The following SCRIB variants were observed in gnomAD, a reference collection of about 807,000 sequenced individuals.
The protein encoded by SCRIB is scribble planar cell polarity protein.
SCRIB carries 72 observed loss-of-function variants against 170.0 expected under a neutral mutation model. The observed-to-expected ratio is 0.42, with a 90% CI of 0.35 to 0.52. The LOEUF is 0.52. Among genes scored for constraint, SCRIB ranks in the 20% least tolerant of loss-of-function variants. The pLI, the probability that SCRIB is intolerant of heterozygous loss-of-function variation, is 0.02. For synonymous variants in SCRIB, 1,298 were observed against 1,044.3 expected, an observed-to-expected ratio of 1.24 and a Z score of -4.68; for missense variants, 2,475 against 2,338.5, an observed-to-expected ratio of 1.06 and a Z score of -1.20.
At chr8:143,802,241 G>A (rs1428266279) in intron 24 of SCRIB, among the ~76,000 whole-genome samples, 8 of 152,348 alleles carry the variant, frequency 5.3e-5, no homozygotes, top group South Asian at 2.1e-4. Flanking sequence ...CAAGCTCAAC[G>A]TCCAGCTGTG....
intron 12 of SCRIB, 31 bp downstream of exon 12, chr8:143,810,655 A>T: frequency 1.2e-6 from 2 of 1,603,030 alleles, no homozygotes; most frequent in Non-Finnish European, 1.7e-6. Context: ...GGTCAGGCAG[A>T]GGTTCGCCCC....
intron 15 of SCRIB, among the ~76,000 whole-genome samples, 198 bp from the exon 16 acceptor site, chr8:143,807,812 A>T (rs1384005733): frequency 6.6e-6 from 1 of 152,152 alleles, no homozygotes; most frequent in Non-Finnish European, 1.5e-5. Flanking sequence ...TCCAGAGCTG[A>T]GCAGAGTCCC....
intron 13 of SCRIB, 114 bp from the exon 14 acceptor site, chr8:143,809,832 C>T (rs766608536): frequency 8.0e-7 from 1 of 1,248,694 alleles, no homozygotes; most frequent in Non-Finnish European, 1.1e-6. Flanking sequence ...CCCGACCAGG[C>T]ACCGTTAACG....
In SCRIB at chr8:143,805,372, C is replaced by T. The variant is rs781871907; in HGVS notation, c.2410G>A (p.Gly804Ser). 35 of 1,548,658 alleles carry T rather than the reference C, an allele frequency of 2.3e-5. No homozygotes were observed. In the African/African-American group the frequency reaches 2.5e-4, roughly 11 times the overall value. The change falls in exon 19 of 37, where the codon GGC becomes AGC. Residue 804 changes from glycine (G) to serine (S), a missense_variant. Gly to Ser is a moderately conservative substitution (Grantham distance 56). This residue lies in a region of SCRIB where 1,966 missense variants were observed against 1,742.9 expected (regional missense o/e 1.13). Coordinates refer to ENST00000356994, the MANE Select transcript of SCRIB (RefSeq NM_182706.5). ...HEAVEALRGA[G>S]TAVQMRVWRE... is the part of the protein sequence containing the mutation. ...CACACTCGCATCTGCACGGCAGTGC[C>T]GGCCCCCCGGAGCGCCTCCACGGCC...
In SCRIB at chr8:143,791,933, G is replaced by C. The variant is rs782682595; in HGVS notation, c.4658-20C>G. 6.6e-7 allele frequency: 1 copy of C among 1,513,622 alleles called. No individual in the cohort carries two copies. Among genetic ancestry groups the C allele is most frequent in the Non-Finnish European group, 8.8e-7 (1 of 1,130,166 alleles). 93.8% of individuals were successfully genotyped at this position (1,513,622 alleles called of 1,614,324 possible). The stretch of plus-strand genomic sequence containing the variant: ...CGAGGTCTGGGGGGACAAGAAGCGG[G>C]CATTGGAAGCAGCCCATGCGGCAGG... On this transcript the variant is annotated intron_variant, in intron 33 of 36. Transcript: ENST00000356994.
intron 8 of SCRIB, 24 bp downstream of exon 8, chr8:143,812,793 C>G (rs753845706): frequency 8.8e-6 from 14 of 1,591,434 alleles, no homozygotes; most frequent in Middle Eastern, 1.7e-4. Context: ...TGTGCCCCAC[C>G]CAGGCACCCC....
intron 26 of SCRIB, 53 bp from the exon 27 acceptor site, chr8:143,795,165 G>A (rs905656166): frequency 1.4e-5 from 23 of 1,597,972 alleles, no homozygotes; most frequent in Middle Eastern, 1.7e-4. Context: ...GGCAGCACCC[G>A]GCCAGCACAG....
At position 143,793,929 on chromosome 8, in the gene SCRIB, C is replaced by G; in HGVS notation, c.3880G>C (p.Glu1294Gln). Residue 1294 changes from glutamate (E) to glutamine (Q), a missense_variant, in exon 28 of 37, where the codon GAA becomes CAA. Glu to Gln is a conservative substitution (Grantham distance 29). Around this residue, in one of 3 missense-constraint regions of SCRIB, gnomAD observed 1,966 missense variants for 1,742.9 expected, o/e 1.13. Coordinates refer to ENST00000356994, the MANE Select transcript of SCRIB (RefSeq NM_182706.5). ...PSGAAGGKMA[E>Q]SPCSPSGQQP... ...TGGCCACTAGGGGAGCAGGGAGATT[C>G]AGCCATCTTCCCTCCAGCTGCTCCA... 6.2e-7 allele frequency: 1 copy of G among 1,613,524 alleles called. No homozygotes were observed. Among genetic ancestry groups the G allele is most frequent in the Non-Finnish European group, 8.5e-7 (1 of 1,179,728 alleles).
intron 6 of SCRIB, 29 bp downstream of exon 6, chr8:143,813,282 G>C: frequency 6.2e-7 from 1 of 1,612,678 alleles, no homozygotes; most frequent in East Asian, 2.2e-5. Context: ...CCCGCCCTCC[G>C]GTCTCTGCCC....
chr8:143,791,855 G>C, intron 34 of SCRIB, 21 bp downstream of exon 34: 1 of 1,540,656 alleles, frequency 6.5e-7, no homozygotes, highest in Non-Finnish European at 8.8e-7. Flanking sequence ...TGAAGGGAAG[G>C]CATAGCCACC....
rs370165439 is a variant in SCRIB at position 143,795,125 on chromosome 8, T to C, written c.3772-13A>G. ...GCAGACCCCGACCCTGGGGGCAGAGTGAACACAGCACTAGCAGGGGTAGCT... is the reference window on the plus strand; with the variant it reads ...GCAGACCCCGACCCTGGGGGCAGAGCGAACACAGCACTAGCAGGGGTAGCT... On this transcript the variant is annotated splice_polypyrimidine_tract_variant and intron_variant, in intron 26 of 36. Coordinates refer to ENST00000356994, the MANE Select transcript of SCRIB (RefSeq NM_182706.5). 6.2e-7 allele frequency: 1 copy of C among 1,609,822 alleles called. No homozygotes were observed. The highest frequency in any genetic ancestry group is 1.1e-5 in the South Asian group (1 of 90,842).
In SCRIB at chr8:143,805,390, C is replaced by G; in HGVS notation, c.2392G>C (p.Glu798Gln). 6.5e-7 allele frequency: 1 copy of G among 1,544,808 alleles called. No individual in the cohort carries two copies. Among genetic ancestry groups the G allele is most frequent in the South Asian group, 1.2e-5 (1 of 84,706 alleles). Residue 798 changes from glutamate (E) to glutamine (Q), a missense_variant, in exon 19 of 37, where the codon GAG becomes CAG. Glu to Gln is a conservative substitution (Grantham distance 29). Around this residue, in one of 3 missense-constraint regions of SCRIB, gnomAD observed 1,966 missense variants for 1,742.9 expected, o/e 1.13. Transcript: ENST00000356994. ...LQGAEHHEAV[E>Q]ALRGAGTAVQ... ...GCAGTGCCGGCCCCCCGGAGCGCCT[C>G]CACGGCCTCGTGGTGCTCGGCGCCC...
intron 2 of SCRIB, 43 bp downstream of exon 2, chr8:143,813,958 G>A (rs1471378452): frequency 3.8e-6 from 6 of 1,582,482 alleles, no homozygotes; most frequent in Non-Finnish European, 5.2e-6. Context: ...AGCCCCAGCG[G>A]ACACTCCCCA....
intron 24 of SCRIB, among the ~76,000 whole-genome samples, chr8:143,800,635 G>C (rs2130045419): frequency 6.6e-6 from 1 of 152,382 alleles, no homozygotes; most frequent in South Asian, 2.1e-4. Flanking sequence ...AGCACTTTGA[G>C]AGGCCAAGGC....
At chr8:143,812,510 G>C (rs768754953) in intron 8 of SCRIB, 126 bp from the exon 9 acceptor site, 1 of 751,868 alleles carries the variant, frequency 1.3e-6, no homozygotes, top group East Asian at 2.7e-5. Flanking sequence ...GCCGTACTTC[G>C]GGAGGACCCT....
chr8:143,815,228 G>A lies in SCRIB; in HGVS notation c.145C>T (p.Arg49Cys), dbSNP rs1156859505. 1.9e-6 allele frequency: 3 copies of A among 1,588,488 alleles called. No individual in the cohort carries two copies. The highest frequency in any genetic ancestry group is 2.2e-5 in the South Asian group (2 of 89,224). ...EELLLDANQL[R>C]ELPKPFFRLL... ...CGGCCGCTCACCTTGGGCAGCTCGCGCAGCTGGTTGGCGTCGAGCAGCAGC... is the reference window on the plus strand; with the variant it reads ...CGGCCGCTCACCTTGGGCAGCTCGCACAGCTGGTTGGCGTCGAGCAGCAGC... Residue 49 changes from arginine (R) to cysteine (C), a missense_variant, in exon 1 of 37, where the codon CGC becomes TGC. Arg to Cys is a radical substitution (Grantham distance 180, BLOSUM62 -3). Coordinates refer to ENST00000356994, the MANE Select transcript of SCRIB (RefSeq NM_182706.5).
intron 27 of SCRIB, 151 bp downstream of exon 27, chr8:143,794,887 G>C: frequency 1.5e-6 from 1 of 669,652 alleles, no homozygotes; most frequent in Non-Finnish European, 2.6e-6. Flanking sequence ...CATGTGCCAG[G>C]CTGGGGTAGC....
Position 143,803,567 on chromosome 8 carries a change from C to T in SCRIB, c.3419G>A (p.Ser1140Asn), listed in dbSNP as rs782350055. 4 of 1,601,166 alleles carry T rather than the reference C, an allele frequency of 2.5e-6. No individual in the cohort carries two copies. In the South Asian group the frequency reaches 3.3e-5, roughly 13 times the overall value. Reference protein sequence around the residue: ...TDEGIFISKVSPTGAAGRDGR... With the variant: ...TDEGIFISKVNPTGAAGRDGR... Reference sequence around the variant, plus strand: ...GTCGCGCCCGGCTGCCCCCGTGGGGCTCACCTGTGGGGAGACGTGGTATGG... The same window carrying T: ...GTCGCGCCCGGCTGCCCCCGTGGGGTTCACCTGTGGGGAGACGTGGTATGG... Residue 1140 changes from serine (S) to asparagine (N), a missense_variant, in exon 24 of 37, where the codon AGC becomes AAC. This residue lies in a region of SCRIB where 1,966 missense variants were observed against 1,742.9 expected (regional missense o/e 1.13). Transcript: ENST00000356994.
In SCRIB at chr8:143,809,049, TGGCCCCAGCTCTGTGGCTGTGCTTCCACA is replaced by T. The variant is rs1815575740; in HGVS notation, c.1699-53_1699-25del. The T allele has an allele frequency of 3.1e-6, 5 of 1,592,668 alleles. No homozygotes were observed. The South Asian group carries it at 3.4e-5, about 11-fold the overall frequency. On this transcript the variant is annotated intron_variant, in intron 14 of 36. Coordinates refer to ENST00000356994, the MANE Select transcript of SCRIB (RefSeq NM_182706.5). ...GGCTGTGCGGACAAAAGGGTGAGGG[TGGCCCCAGCTCTGTGGCTGTGCTTCCACA>T]GGAAGACCCTACTAAACAGTGTGGC...
Sources: gnomAD v4.1 joint callset for allele counts (sites outside exome capture counted in the v4.1 genomes callset) on GRCh38, gnomAD v4.1.1 for gene constraint, gnomAD v4.1.1 regional missense constraint, MANE v1.5 for transcripts, NCBI Gene and HGNC (gene_info 2026-07-23, HGNC 2026-07-21) for gene names.